Variants in GABRR1 observed in about 807,000 individuals in gnomAD.
GABRR1 encodes gamma-aminobutyric acid receptor subunit rho-1.
GABRR1 carries 59 observed loss-of-function variants against 55.5 expected under a neutral mutation model. That is an observed-to-expected ratio of 1.06 (90% CI 0.86 to 1.32). The LOEUF (loss-of-function observed/expected upper bound fraction) is 1.32. Among genes scored for constraint, GABRR1 ranks in the 40% most tolerant of loss-of-function variants. The pLI, the probability that GABRR1 is intolerant of heterozygous loss-of-function variation, is 0.00. For missense variants in GABRR1, 602 were observed against 619.1 expected, an observed-to-expected ratio of 0.97 and a Z score of 0.29; for synonymous variants, 213 against 226.0, an observed-to-expected ratio of 0.94 and a Z score of 0.51.
chr6:89,188,968 C>T (rs1391058826), intron 6 of GABRR1, among the ~76,000 whole-genome samples: 1 of 151,894 alleles, frequency 6.6e-6, no homozygotes, highest in Non-Finnish European at 1.5e-5. Context: ...CCAGGAAATC[C>T]TTTCTTCAGC....
chr6:89,188,695 A>G (rs1006336351), intron 6 of GABRR1, among the ~76,000 whole-genome samples: 1 of 152,094 alleles, frequency 6.6e-6, no homozygotes, highest in Non-Finnish European at 1.5e-5. Context: ...ATATATTATC[A>G]ATATATTCTC....
chr6:89,181,332 T>C (rs1025306757), intron 8 of GABRR1, among the ~76,000 whole-genome samples: 14 of 152,158 alleles, frequency 9.2e-5, no homozygotes, highest in Non-Finnish European at 2.9e-5. Context: ...GTGGTGTGTA[T>C]AAATGGGTAT....
intron 1 of GABRR1, among the ~76,000 whole-genome samples, chr6:89,229,014 TA>T (rs1404598850): frequency 5.3e-5 from 8 of 151,748 alleles, no homozygotes; most frequent in African/African-American, 1.9e-4. Context: ...TACCATTATG[TA>T]ATGGCCTTCT....
rs142385195 is a variant in GABRR1, at chr6:89,201,754, G to C, written c.174-489C>G. On this transcript the variant is annotated intron_variant, in intron 2 of 9. Coordinates refer to ENST00000454853, the MANE Select transcript of GABRR1 (RefSeq NM_002042.5). ...AGATTGCACCACTGCACTCCAGCCT[G>C]GGCAACAGAGTGAGACCCCGTCTCA... is the stretch of plus-strand genomic sequence containing the variant. 6.8e-3 allele frequency among the ~76,000 whole-genome samples: 988 copies of C among 145,878 alleles called. 13 individuals carry two copies. Among genetic ancestry groups the C allele is most frequent in the African/African-American group, 0.024 (945 of 39,166 alleles).
At chr6:89,205,703 G>A (rs112940758) in intron 1 of GABRR1, 1,727 of 152,306 alleles carry the variant, frequency 0.011, 27 homozygotes, top group Non-Finnish European at 0.014. Context: ...GCTAATGGCC[G>A]AGCATCTGAT....
chr6:89,224,949 A>C (rs922671315), intron 1 of GABRR1, among the ~76,000 whole-genome samples: 2 of 151,970 alleles, frequency 1.3e-5, no homozygotes, highest in African/African-American at 2.4e-5. Flanking sequence ...CACCCAGCTA[A>C]TTTTTGTATT....
In GABRR1 at chr6:89,179,008, T is replaced by C. The variant is rs1302327803; in HGVS notation, c.1202A>G (p.Tyr401Cys). 5.6e-6 allele frequency: 9 copies of C among 1,614,044 alleles called. No individual in the cohort carries two copies. The highest frequency in any genetic ancestry group is 1.3e-5 in the African/African-American group (1 of 74,932). Residue 401 changes from tyrosine (Y) to cysteine (C), a missense_variant, in exon 10 of 10, where the codon TAC becomes TGC. By Grantham distance (194) the Tyr-to-Cys change is radical (BLOSUM62 -2). This residue lies in a region of GABRR1 where 139 missense variants were observed against 141.1 expected (regional missense o/e 0.99). Coordinates refer to ENST00000454853, the MANE Select transcript of GABRR1 (RefSeq NM_002042.5). Reference protein sequence around the residue: ...PPRTAMLDGNYSDGEVNDLDN... With the variant: ...PPRTAMLDGNCSDGEVNDLDN... Reference sequence around the variant, plus strand: ...CAGGTCATTCACCTCCCCATCACTGTAGTTGCCGTCCAGCATCGCAGTGCG... The same window carrying C: ...CAGGTCATTCACCTCCCCATCACTGCAGTTGCCGTCCAGCATCGCAGTGCG...
intron 1 of GABRR1, among the ~76,000 whole-genome samples, chr6:89,211,069 G>T (rs980790497): frequency 1.3e-5 from 2 of 152,164 alleles, no homozygotes; most frequent in South Asian, 2.1e-4. Flanking sequence ...TTAGGAGACT[G>T]CAAGGAGCAG....
chr6:89,217,458 G>T, upstream of GABRR1: 1 of 980,458 alleles, frequency 1.0e-6, no homozygotes, highest in Non-Finnish European at 1.5e-6. Flanking sequence ...CAACCCACAG[G>T]ATGCAATCTG....
chr6:89,196,851 G>GAAAGAAAGAAA (rs1554190860), intron 5 of GABRR1, among the ~76,000 whole-genome samples: 3 of 132,720 alleles, frequency 2.3e-5, no homozygotes, highest in African/African-American at 8.6e-5. Context: ...AAGAAAGAAA[G>GAAAGAAAGAAA]AAAGAAAGAA....
chr6:89,197,746 A>G (rs1772346097), intron 5 of GABRR1, among the ~76,000 whole-genome samples: 1 of 152,346 alleles, frequency 6.6e-6, no homozygotes, highest in African/African-American at 2.4e-5. Context: ...CACATTATCT[A>G]TTTCTCTGAC....
At chr6:89,195,161 T>C (rs941746384) in intron 5 of GABRR1, among the ~76,000 whole-genome samples, 1 of 151,992 alleles carries the variant, frequency 6.6e-6, no homozygotes, top group African/African-American at 2.4e-5. Context: ...AAGTAACACA[T>C]TAAAAAGCTC....
chr6:89,181,787 C>T lies in GABRR1; in HGVS notation c.949+118G>A, dbSNP rs1336147279. 6.8e-6 allele frequency: 7 copies of T among 1,033,886 alleles called. No homozygotes were observed. The Admixed American group carries it at 1.1e-4, about 16-fold the overall frequency. The allele number at this position is 1,033,886 out of a possible 1,614,324, so 64.0% of individuals were successfully genotyped here. A position where few individuals can be genotyped will look rare whatever the true frequency, so the allele number is the denominator to read the frequency against. On this transcript the variant is annotated intron_variant, in intron 8 of 9. Transcript: ENST00000454853. Reference sequence around the variant, plus strand: ...TAAATAAATAACTCTTGAGTTTTTCCAAGTCATAACGCCAAAAGGGATACA... The same window carrying T: ...TAAATAAATAACTCTTGAGTTTTTCTAAGTCATAACGCCAAAAGGGATACA...
intron 9 of GABRR1, among the ~76,000 whole-genome samples, chr6:89,179,726 T>C (rs1172841979): frequency 1.3e-5 from 2 of 152,108 alleles, no homozygotes; most frequent in Non-Finnish European, 2.9e-5. Context: ...GTCATGGGGA[T>C]GGGGATTGGT....
Position 89,178,908 on chromosome 6 carries a change from G to C in GABRR1, c.1302C>G (p.Ser434Arg). ...TTCTCTGACTTTTCCTCTGTGGGGA[G>C]CTCCTCTCTGAGGCCAGGGTCAGCT... ...MVQLTLASERSSPQRKSQRSS... is the reference protein window; with the variant it reads ...MVQLTLASERRSPQRKSQRSS... The change falls in exon 10 of 10, where the codon AGC becomes AGG. Residue 434 changes from serine (S) to arginine (R), a missense_variant. Ser to Arg is a moderately radical substitution (Grantham distance 110). This residue lies in a region of GABRR1 where 139 missense variants were observed against 141.1 expected (regional missense o/e 0.99). Transcript: ENST00000454853. The C allele has an allele frequency of 6.2e-7, 1 of 1,614,180 alleles. No individual in the cohort carries two copies. Among genetic ancestry groups the C allele is most frequent in the Non-Finnish European group, 8.5e-7 (1 of 1,180,014 alleles).
At chr6:89,213,261 A>G (rs1406555176) in intron 1 of GABRR1, among the ~76,000 whole-genome samples, 1 of 152,184 alleles carries the variant, frequency 6.6e-6, no homozygotes, top group Admixed American at 6.5e-5. Flanking sequence ...TACCTAAGCT[A>G]TTTTATTAGC....
intron 9 of GABRR1, 34 bp downstream of exon 9, chr6:89,180,258 C>T (rs1324990408): frequency 1.2e-6 from 2 of 1,600,110 alleles, no homozygotes; most frequent in African/African-American, 2.7e-5. Flanking sequence ...AGGTTCCATC[C>T]TGACCAGACA....
intron 5 of GABRR1, among the ~76,000 whole-genome samples, chr6:89,196,851 G>GAAAGAAAGAAAGAAAGAAAGAAA (rs1554190863): frequency 1.0e-3 from 137 of 132,808 alleles, no homozygotes; most frequent in African/African-American, 3.7e-3. Flanking sequence ...AAGAAAGAAA[G>GAAAGAAAGAAAGAAAGAAAGAAA]AAAGAAAGAA....
intron 7 of GABRR1, among the ~76,000 whole-genome samples, chr6:89,183,815 A>G (rs451328): frequency 0.48 from 73,636 of 151,990 alleles, 18,366 homozygotes; most frequent in Middle Eastern, 0.55. Flanking sequence ...TAAGCTATGG[A>G]AACACAAAGG....
Sources: gnomAD v4.1 joint callset for allele counts (sites outside exome capture counted in the v4.1 genomes callset) on GRCh38, gnomAD v4.1.1 for gene constraint, gnomAD v4.1.1 regional missense constraint, MANE v1.5 for transcripts, NCBI Gene and HGNC (gene_info 2026-07-23, HGNC 2026-07-21) for gene names.